Variants in TBX15 observed in about 807,000 individuals in gnomAD.
The protein encoded by TBX15 is T-box transcription factor TBX15.
Under a neutral mutation model 53.9 loss-of-function variants are expected in TBX15, and 18 were observed. The ratio of observed to expected loss-of-function variants is 0.33; its 90% CI spans 0.23 to 0.49. TBX15 has a LOEUF of 0.49. Ranked by LOEUF, TBX15 falls within the 20% of genes least tolerant of loss-of-function variation. The pLI is 0.98. For missense variants in TBX15, 692 were observed against 749.5 expected (o/e 0.92, Z 0.90); for synonymous variants, 295 against 278.0 (o/e 1.06, Z -0.61).
At chr1:118,895,539 T>C (rs1654394696) in intron 7 of TBX15, among the ~76,000 whole-genome samples, 1 of 152,176 alleles carries the variant, frequency 6.6e-6, no homozygotes, top group Non-Finnish European at 1.5e-5. Flanking sequence ...TCTTATTTCC[T>C]TTTCCTTCTA....
rs548898475 is a variant in TBX15, at chr1:118,894,414, C to T, written c.1024+4614G>A. 5.3e-5 allele frequency among the ~76,000 whole-genome samples: 8 copies of T among 152,224 alleles called. No individual in the cohort carries two copies. The South Asian group carries it at 1.7e-3, about 32-fold the overall frequency. On this transcript the variant is annotated intron_variant, in intron 7 of 7. Transcript: ENST00000369429. Reference sequence around the variant, plus strand: ...CGACAATGTTAAGGAATATGTCTTTCATAGGTGAAAGTAAACTGTGGCCAT... The same window carrying T: ...CGACAATGTTAAGGAATATGTCTTTTATAGGTGAAAGTAAACTGTGGCCAT...
chr1:118,918,718 A>G (rs1368908153), intron 5 of TBX15, among the ~76,000 whole-genome samples: 1 of 152,200 alleles, frequency 6.6e-6, no homozygotes, highest in Non-Finnish European at 1.5e-5. Context: ...GCCACCATTA[A>G]TGTTAATCAT....
At chr1:118,941,386 G>C (rs1372972174) in intron 1 of TBX15, among the ~76,000 whole-genome samples, 1 of 152,192 alleles carries the variant, frequency 6.6e-6, no homozygotes, top group African/African-American at 2.4e-5. Flanking sequence ...CTTCTGGAGA[G>C]AGTGCCTCTG....
At chr1:118,904,331 A>T (rs923087325) in intron 6 of TBX15, among the ~76,000 whole-genome samples, 1 of 152,124 alleles carries the variant, frequency 6.6e-6, no homozygotes, top group Non-Finnish European at 1.5e-5. Context: ...AACCTTCCAT[A>T]CTTCTTTCTC....
chr1:118,974,672 T>C (rs1017062183), intron 1 of TBX15, among the ~76,000 whole-genome samples: 2 of 152,214 alleles, frequency 1.3e-5, no homozygotes, highest in African/African-American at 4.8e-5. Flanking sequence ...TAAGTGTTCA[T>C]TGAGAAGAGA....
chr1:118,903,574 C>A (rs1433832051), intron 6 of TBX15, among the ~76,000 whole-genome samples: 1 of 152,072 alleles, frequency 6.6e-6, no homozygotes, highest in Non-Finnish European at 1.5e-5. Context: ...CTTCCCCATA[C>A]TATTTGCTGG....
At chr1:118,942,582 G>C (rs182783475) in intron 1 of TBX15, among the ~76,000 whole-genome samples, 1 of 152,256 alleles carries the variant, frequency 6.6e-6, no homozygotes, top group Admixed American at 6.5e-5. Flanking sequence ...GTCACCTCCT[G>C]ACATCATAAC....
intron 7 of TBX15, among the ~76,000 whole-genome samples, chr1:118,886,768 G>T (rs1157617488): frequency 6.6e-6 from 1 of 152,164 alleles, no homozygotes; most frequent in Non-Finnish European, 1.5e-5. Flanking sequence ...AGTCTGGGGT[G>T]GGGCCTAAGA....
rs948025394 is a variant in TBX15 at position 118,884,707 on chromosome 1, T to C, written c.*25A>G. On this transcript the variant is annotated 3_prime_UTR_variant, in exon 8 of 8. Coordinates refer to ENST00000369429, the MANE Select transcript of TBX15 (RefSeq NM_001330677.2). ...AGACTCTGGGGCCTTGATTGCCAAA[T>C]GCTCCGTGGTGTTTGGACTGGCCTT... 2 of 1,612,588 alleles carry C rather than the reference T, an allele frequency of 1.2e-6. No homozygotes were observed. The highest frequency in any genetic ancestry group is 1.7e-4 in the Middle Eastern group (1 of 6,002).
chr1:118,962,857 T>C (rs1027666876), intron 1 of TBX15, among the ~76,000 whole-genome samples: 15 of 152,226 alleles, frequency 9.9e-5, no homozygotes, highest in African/African-American at 3.6e-4. Context: ...GAAATGGTTA[T>C]TACATAATTA....
At chr1:118,957,433 A>G (rs1656726879) in intron 1 of TBX15, among the ~76,000 whole-genome samples, 1 of 152,320 alleles carries the variant, frequency 6.6e-6, no homozygotes, top group Non-Finnish European at 1.5e-5. Context: ...GACACCAAAA[A>G]TTTCAGCAAT....
At chr1:118,960,918 A>G (rs1187819346) in intron 1 of TBX15, among the ~76,000 whole-genome samples, 1 of 152,024 alleles carries the variant, frequency 6.6e-6, no homozygotes, top group East Asian at 1.9e-4. Flanking sequence ...GTGAGGGAGG[A>G]GCAATTTGTT....
chr1:118,986,607 C>T (rs377040196), intron 1 of TBX15, among the ~76,000 whole-genome samples: 34 of 152,340 alleles, frequency 2.2e-4, no homozygotes, highest in African/African-American at 8.2e-4. Flanking sequence ...GTCTCTATCC[C>T]AGTGCAGGCC....
At chr1:118,921,920 C>A (rs1655436919) in intron 5 of TBX15, among the ~76,000 whole-genome samples, 1 of 152,120 alleles carries the variant, frequency 6.6e-6, no homozygotes, top group Non-Finnish European at 1.5e-5. Context: ...GAAAATAGCT[C>A]ACAAAAGAGA....
intron 5 of TBX15, among the ~76,000 whole-genome samples, chr1:118,914,484 T>C (rs1361766566): frequency 6.6e-6 from 1 of 152,102 alleles, no homozygotes; most frequent in East Asian, 1.9e-4. Flanking sequence ...GATATTGAAA[T>C]GGAAAATTGG....
chr1:118,979,160 A>T (rs1252814580), intron 1 of TBX15, among the ~76,000 whole-genome samples: 1 of 152,094 alleles, frequency 6.6e-6, no homozygotes, highest in Non-Finnish European at 1.5e-5. Context: ...AGCTACTAGT[A>T]GTCACTTCTC....
At chr1:118,932,090 T>C (rs1361462853) in intron 1 of TBX15, among the ~76,000 whole-genome samples, 1 of 152,160 alleles carries the variant, frequency 6.6e-6, no homozygotes, top group Non-Finnish European at 1.5e-5. Context: ...TAGCAACAGC[T>C]GAAGAAAATT....
At chr1:118,932,027 C>G (rs1002827972) in intron 1 of TBX15, among the ~76,000 whole-genome samples, 195 bp from the exon 2 acceptor site, 1 of 152,086 alleles carries the variant, frequency 6.6e-6, no homozygotes, top group African/African-American at 2.4e-5. Context: ...TGATTTATGA[C>G]CTTCTTTCAG....
intron 1 of TBX15, among the ~76,000 whole-genome samples, chr1:118,950,862 G>A (rs1026775805): frequency 6.6e-6 from 1 of 152,158 alleles, no homozygotes; most frequent in Non-Finnish European, 1.5e-5. Flanking sequence ...AGGATCAGCT[G>A]GGTCAGTCCA....
Sources: gnomAD v4.1 joint callset for allele counts (sites outside exome capture counted in the v4.1 genomes callset) on GRCh38, gnomAD v4.1.1 for gene constraint, MANE v1.5 for transcripts, NCBI Gene and HGNC (gene_info 2026-07-23, HGNC 2026-07-21) for gene names.